The following STAC variants were observed in gnomAD, a reference collection of about 807,000 sequenced individuals.
STAC encodes the protein SH3 and cysteine rich domain.
In STAC, 43 loss-of-function variants were observed where a neutral mutation model predicts 48.8. That is an observed-to-expected ratio of 0.88 (90% CI 0.69 to 1.14). STAC has a LOEUF of 1.14. Among genes scored for constraint, STAC ranks in the 50% most tolerant of loss-of-function variants. The pLI is 0.00. For synonymous variants in STAC, 193 were observed against 179.5 expected, an observed-to-expected ratio of 1.07 and a Z score of -0.60; for missense variants, 497 against 504.0, an observed-to-expected ratio of 0.99 and a Z score of 0.13.
chr3:36,398,410 GAGAGGGAA>G (rs1357843728), intron 1 of STAC, among the ~76,000 whole-genome samples: 14 of 130,440 alleles, frequency 1.1e-4, no homozygotes, highest in Non-Finnish European at 2.2e-4. Flanking sequence ...AAGAGAAAGA[GAGAGGGAA>G]GGAAGGAAGG....
intron 1 of STAC, among the ~76,000 whole-genome samples, chr3:36,437,931 G>GTTATTTA (rs1362673521): frequency 6.2e-4 from 87 of 140,568 alleles, no homozygotes; most frequent in Non-Finnish European, 5.2e-4. Flanking sequence ...TATTCATTGA[G>GTTATTTA]TTATTATTAT....
rs145122717 is a variant in STAC at position 36,482,232 on chromosome 3, C to T, written c.389-760C>T. Among the ~76,000 whole-genome samples the T allele has an allele frequency of 4.6e-5, 7 of 152,234 alleles. No individual in the cohort carries two copies. In the East Asian group the frequency reaches 1.2e-3, roughly 25 times the overall value. ...AGCCACTTTCTGAAATAATGAACACCGGTGTGCAGCACCTGCCATCTTCCT... is the reference window on the plus strand; with the variant it reads ...AGCCACTTTCTGAAATAATGAACACTGGTGTGCAGCACCTGCCATCTTCCT... On this transcript the variant is annotated intron_variant, in intron 2 of 10. Coordinates refer to ENST00000273183, the MANE Select transcript of STAC (RefSeq NM_003149.3).
chr3:36,534,505 A>G (rs1258403673), intron 10 of STAC, among the ~76,000 whole-genome samples: 2 of 152,226 alleles, frequency 1.3e-5, no homozygotes, highest in Non-Finnish European at 2.9e-5. Context: ...ATTTGATTCT[A>G]AAGATAAATG....
At chr3:36,452,084 C>T (rs1696699997) in intron 2 of STAC, among the ~76,000 whole-genome samples, 1 of 152,168 alleles carries the variant, frequency 6.6e-6, no homozygotes, top group Non-Finnish European at 1.5e-5. Context: ...GTCTATAAAA[C>T]CTAAAGACCT....
intron 2 of STAC, among the ~76,000 whole-genome samples, chr3:36,461,852 G>A (rs985035194): frequency 1.3e-5 from 2 of 152,182 alleles, no homozygotes; most frequent in African/African-American, 2.4e-5. Context: ...CAGAGTAAAG[G>A]AGCAGAGAGA....
chr3:36,467,680 A>G (rs1335301539), intron 2 of STAC, among the ~76,000 whole-genome samples: 1 of 152,064 alleles, frequency 6.6e-6, no homozygotes, highest in Non-Finnish European at 1.5e-5. Flanking sequence ...CTGTGGTATC[A>G]GTTGTCATAT....
intron 5 of STAC, among the ~76,000 whole-genome samples, chr3:36,487,407 G>A (rs1697841930): frequency 6.6e-6 from 1 of 152,182 alleles, no homozygotes; most frequent in South Asian, 2.1e-4. Flanking sequence ...TGCATCCACT[G>A]ATTTCTAAGA....
In STAC at chr3:36,546,631, T is replaced by G. The variant is rs1699453926; in HGVS notation, c.*342T>G. ...TGTAAGTTAACACACTGGAGTGTGC[T>G]CCAGTTTGCAGGGTAGCCCAGTGCA... is the stretch of plus-strand genomic sequence containing the variant. On this transcript the variant is annotated 3_prime_UTR_variant, in exon 11 of 11. Coordinates refer to ENST00000273183, the MANE Select transcript of STAC (RefSeq NM_003149.3). 3.0e-6 allele frequency: 1 copy of G among 335,840 alleles called. No individual in the cohort carries two copies. The highest frequency in any genetic ancestry group is 4.1e-5 in the Admixed American group (1 of 24,344). The allele number at this position is 335,840 out of a possible 1,614,324, so 20.8% of individuals were successfully genotyped here.
chr3:36,480,721 T>C (rs1410474908), intron 2 of STAC, among the ~76,000 whole-genome samples: 1 of 152,342 alleles, frequency 6.6e-6, no homozygotes, highest in Non-Finnish European at 1.5e-5. Flanking sequence ...GATCTTCAAG[T>C]TCCCCCTTTC....
At chr3:36,485,550 G>T (rs1005399603) in intron 4 of STAC, among the ~76,000 whole-genome samples, 3 of 152,204 alleles carry the variant, frequency 2.0e-5, no homozygotes, top group Non-Finnish European at 2.9e-5. Context: ...CAGATCAAAA[G>T]ATGCCCTCTA....
At chr3:36,512,530 C>T (rs1698566826) in intron 8 of STAC, among the ~76,000 whole-genome samples, 1 of 151,436 alleles carries the variant, frequency 6.6e-6, no homozygotes, top group South Asian at 2.1e-4. Context: ...GAAGTCATAA[C>T]ATTTTTTTAA....
intron 1 of STAC, among the ~76,000 whole-genome samples, chr3:36,436,429 A>G (rs1700835082): frequency 6.6e-6 from 1 of 152,152 alleles, no homozygotes; most frequent in Non-Finnish European, 1.5e-5. Flanking sequence ...ATGACCTACA[A>G]GGTCCAGCAA....
chr3:36,487,770 T>A (rs956704708), intron 5 of STAC, among the ~76,000 whole-genome samples: 2 of 152,232 alleles, frequency 1.3e-5, no homozygotes, highest in Non-Finnish European at 2.9e-5. Flanking sequence ...CATTTCATAG[T>A]AAAGATGAAA....
intron 1 of STAC, among the ~76,000 whole-genome samples, chr3:36,407,815 G>A (rs1011781316): frequency 6.6e-6 from 1 of 152,208 alleles, no homozygotes; most frequent in African/African-American, 2.4e-5. Flanking sequence ...GTTTTTGTTT[G>A]TTACAAGTCT....
At chr3:36,470,430 T>G (rs1244985491) in intron 2 of STAC, among the ~76,000 whole-genome samples, 1 of 152,254 alleles carries the variant, frequency 6.6e-6, no homozygotes, top group African/African-American at 2.4e-5. Flanking sequence ...ATCTTCGGTC[T>G]TTCAGCTATG....
intron 1 of STAC, among the ~76,000 whole-genome samples, chr3:36,388,107 G>A (rs1699663634): frequency 6.6e-6 from 1 of 152,128 alleles, no homozygotes; most frequent in South Asian, 2.1e-4. Flanking sequence ...CTTCTTTGGA[G>A]AAATATCTAG....
chr3:36,513,691 C>T (rs1290214864), intron 8 of STAC, among the ~76,000 whole-genome samples: 2 of 152,128 alleles, frequency 1.3e-5, no homozygotes, highest in African/African-American at 4.8e-5. Context: ...ATAAGTCCTG[C>T]CCTTACCGCC....
chr3:36,410,303 G>A (rs983644622), intron 1 of STAC, among the ~76,000 whole-genome samples: 1 of 152,192 alleles, frequency 6.6e-6, no homozygotes, highest in African/African-American at 2.4e-5. Flanking sequence ...TCGTGGGTAT[G>A]TGTGTCTATA....
chr3:36,510,464 C>T (rs190728533), intron 8 of STAC, among the ~76,000 whole-genome samples: 3 of 152,244 alleles, frequency 2.0e-5, no homozygotes, highest in African/African-American at 7.2e-5. Flanking sequence ...TGGGTATATA[C>T]CCAAAGGATT....
Sources: allele counts gnomAD v4.1 joint callset (sites outside exome capture counted in the v4.1 genomes callset), GRCh38; gene constraint gnomAD v4.1.1; transcripts MANE v1.5; gene names NCBI Gene and HGNC (gene_info 2026-07-23, HGNC 2026-07-21).